TENT5D: variants seen among roughly 807,000 people sequenced by gnomAD.
TENT5D encodes cancer/testis antigen 112.
For synonymous variants in TENT5D, 103 were observed against 100.6 expected (o/e 1.02, Z -0.15); for missense variants, 191 against 287.0 (o/e 0.67, Z 2.42).
chrX:80,440,900 A>G (rs1312178303), intron 2 of TENT5D, among the ~76,000 whole-genome samples: 1 of 111,402 alleles, frequency 9.0e-6, no homozygotes, highest in Non-Finnish European at 1.9e-5. Flanking sequence ...AGCATAACAA[A>G]CTGTTAGCTT....
chrX:80,360,257 C>A (rs1450292286), intron 3 of TENT5D, among the ~76,000 whole-genome samples: 3 of 111,727 alleles, frequency 2.7e-5, no homozygotes, highest in African/African-American at 9.7e-5. Flanking sequence ...TTCAGGTTAT[C>A]GATATTGAAA....
chrX:80,433,323 G>A (rs1932123086), intron 1 of TENT5D, among the ~76,000 whole-genome samples: 2 of 111,926 alleles, frequency 1.8e-5, no homozygotes, highest in African/African-American at 6.5e-5. Flanking sequence ...TTTCTTATCT[G>A]TGCCTGCAGC....
At chrX:80,375,061 A>C (rs1368989115) in intron 3 of TENT5D, among the ~76,000 whole-genome samples, 1 of 111,075 alleles carries the variant, frequency 9.0e-6, no homozygotes, top group African/African-American at 3.3e-5. Context: ...TCCCACATGC[A>C]TGCTTTGTGT....
rs561826024 is a variant in TENT5D, at chrX:80,376,131, T to C, written c.-142+33567T>C. The stretch of plus-strand genomic sequence containing the variant: ...AAGACAGTTTGGTATATTTCACTAC[T>C]TGTAGTAATTAACGTTTATGGCCCA... On this transcript the variant is annotated intron_variant, in intron 3 of 4. Transcript: ENST00000538312. Among the ~76,000 whole-genome samples the C allele has an allele frequency of 1.9e-4, 21 of 111,112 alleles. No individual in the cohort carries two copies. The South Asian group carries it at 7.9e-3, about 42-fold the overall frequency.
At chrX:80,354,664 T>C (rs1019747921) in intron 3 of TENT5D, among the ~76,000 whole-genome samples, 3 of 112,076 alleles carry the variant, frequency 2.7e-5, no homozygotes, top group African/African-American at 9.7e-5. Flanking sequence ...AGATTCTGAA[T>C]TCTATGCCTG....
chrX:80,423,177 A>T (rs765111091), intron 1 of TENT5D, among the ~76,000 whole-genome samples: 1 of 112,262 alleles, frequency 8.9e-6, no homozygotes, highest in Non-Finnish European at 1.9e-5. Context: ...TTGAATTCAC[A>T]TAGCTATAAA....
chrX:80,341,676 G>T (rs1929958882), intron 2 of TENT5D, among the ~76,000 whole-genome samples: 1 of 107,773 alleles, frequency 9.3e-6, no homozygotes, highest in African/African-American at 3.4e-5. Context: ...TTGTTTGTCA[G>T]TTGTAGCTGA....
At chrX:80,423,279 T>C (rs1037467747) in intron 1 of TENT5D, among the ~76,000 whole-genome samples, 2 of 112,000 alleles carry the variant, frequency 1.8e-5, no homozygotes, top group Admixed American at 9.5e-5. Flanking sequence ...AAGCAAAATA[T>C]GTAGCAGTAT....
intron 1 of TENT5D, among the ~76,000 whole-genome samples, chrX:80,430,937 T>G (rs1270400165): frequency 9.0e-6 from 1 of 111,097 alleles, no homozygotes; most frequent in East Asian, 2.8e-4. Context: ...CAAGATACCC[T>G]AGGGGCCTGG....
At chrX:80,351,728 G>A (rs1001957740) in intron 3 of TENT5D, among the ~76,000 whole-genome samples, 23 of 110,671 alleles carry the variant, frequency 2.1e-4, no homozygotes, top group African/African-American at 6.9e-4. Context: ...GAGAGGAGGC[G>A]TTCCGGTTTT....
chrX:80,409,376 C>A lies in TENT5D; in HGVS notation c.-141-29234C>A, dbSNP rs1338551494. ...CATTGTCTCAGCCCAAAATCTCCTT[C>A]AGCTGATAAGCAACTTCAGCAAAGT... On this transcript the variant is annotated intron_variant, in intron 3 of 4. Transcript: ENST00000538312. Among the ~76,000 whole-genome samples, 25 of 111,082 alleles carry A rather than the reference C, an allele frequency of 2.3e-4. No homozygotes were observed. In the South Asian group the frequency reaches 3.5e-3, roughly 15 times the overall value.
chrX:80,381,677 A>G (rs1445317916), intron 3 of TENT5D, among the ~76,000 whole-genome samples: 1 of 111,204 alleles, frequency 9.0e-6, no homozygotes, highest in Non-Finnish European at 1.9e-5. Context: ...TTTTTTCTCT[A>G]AACTTCTCTT....
chrX:80,342,700 C>G (rs1001913952), intron 3 of TENT5D: 5 of 111,691 alleles, frequency 4.5e-5, no homozygotes, highest in Non-Finnish European at 9.4e-5. Flanking sequence ...TTAGACAACC[C>G]ATAATTCAAG....
intron 3 of TENT5D, among the ~76,000 whole-genome samples, chrX:80,344,116 A>G (rs1443005107): frequency 9.0e-6 from 1 of 110,522 alleles, no homozygotes; most frequent in Admixed American, 9.8e-5. Context: ...ATGTTGCTGC[A>G]AATGACATGA....
exon 3 of TENT5D, chrX:80,443,650 C>T: frequency 8.3e-7 from 1 of 1,206,458 alleles, no homozygotes. Flanking sequence ...TGAGCCACCC[C>T]CCGTTAGCTT....
At chrX:80,373,374 T>C (rs1450549867) in intron 3 of TENT5D, among the ~76,000 whole-genome samples, 3 of 111,171 alleles carry the variant, frequency 2.7e-5, no homozygotes, top group African/African-American at 3.3e-5. Context: ...ATTTTCGACC[T>C]GTTGTAGCTT....
chrX:80,369,891 C>T (rs564245865), intron 3 of TENT5D, among the ~76,000 whole-genome samples: 9 of 110,846 alleles, frequency 8.1e-5, no homozygotes, highest in South Asian at 3.8e-4. Flanking sequence ...CAAGGGATGA[C>T]GGTAGTTTCT....
intron 3 of TENT5D, among the ~76,000 whole-genome samples, chrX:80,371,581 C>T (rs754037066): frequency 2.7e-5 from 3 of 112,122 alleles, no homozygotes; most frequent in East Asian, 2.8e-4. Flanking sequence ...TAGATCTTCC[C>T]GCAGCTTCTC....
At chrX:80,352,990 C>T (rs768066256) in intron 3 of TENT5D, among the ~76,000 whole-genome samples, 24 of 111,582 alleles carry the variant, frequency 2.2e-4, no homozygotes, top group African/African-American at 7.8e-4. Context: ...TCTGCTTACC[C>T]TCCGTGGGCT....
Sources: allele counts gnomAD v4.1 joint callset (sites outside exome capture counted in the v4.1 genomes callset), GRCh38; gene constraint gnomAD v4.1.1; transcripts MANE v1.5; gene names NCBI Gene and HGNC (gene_info 2026-07-23, HGNC 2026-07-21).